Variants in FYB2 observed in about 807,000 individuals in gnomAD.
FYB2 encodes FYN-binding protein 2.
A neutral mutation model predicts 94.1 loss-of-function variants in FYB2; 103 were observed. That is an observed-to-expected ratio of 1.09 (90% CI 0.93 to 1.29). FYB2 has a LOEUF of 1.29. Among genes scored for constraint, FYB2 ranks in the 50% most tolerant of loss-of-function variants. The pLI, the probability that FYB2 is intolerant of heterozygous loss-of-function variation, is 0.00. For missense variants in FYB2, 896 were observed against 841.5 expected, an observed-to-expected ratio of 1.06 and a Z score of -0.80; for synonymous variants, 293 against 287.9, an observed-to-expected ratio of 1.02 and a Z score of -0.18.
intron 1 of FYB2, among the ~76,000 whole-genome samples, chr1:56,795,445 G>A (rs1646375016): frequency 6.6e-6 from 1 of 152,132 alleles, no homozygotes; most frequent in Admixed American, 6.6e-5. Context: ...AAACATAGGT[G>A]TACAGATATC....
rs1645662426 is a variant in FYB2, at chr1:56,767,886, A to G, written c.1006T>C (p.Tyr336His). 1.2e-6 allele frequency: 2 copies of G among 1,612,276 alleles called. No homozygotes were observed. The highest frequency in any genetic ancestry group is 2.7e-5 in the African/African-American group (2 of 74,812). The change falls in exon 5 of 20, where the codon TAT (tyrosine) becomes CAT (histidine). Residue 336 changes from tyrosine (Y) to histidine (H), a missense_variant. Transcript: ENST00000343433. ...ATGGAGTTGCCAGAGTGTCTCAGAT[A>G]TGAAATTGTTGCCTCGTAATTATGT... Reference protein sequence around the residue: ...EPHNYEATISYLRHSGNSINL... With the variant: ...EPHNYEATISHLRHSGNSINL...
At chr1:56,764,888 T>A (rs1054290310) in intron 5 of FYB2, among the ~76,000 whole-genome samples, 4 of 152,196 alleles carry the variant, frequency 2.6e-5, no homozygotes, top group African/African-American at 9.7e-5. Context: ...TGTGCCCTCA[T>A]ATGGAGAAGA....
Position 56,720,060 on chromosome 1 carries a change from T to C in FYB2, c.2132-5A>G, listed in dbSNP as rs780097934. The C allele has an allele frequency of 6.2e-7, 1 of 1,600,750 alleles. No individual in the cohort carries two copies. The highest frequency in any genetic ancestry group is 8.5e-7 in the Non-Finnish European group (1 of 1,175,394). ...GTTCAATGAGCACATATCCATCTAA[T>C]AGAAACAAAAGTCACCGTTAATTTG... On this transcript the variant is annotated splice_region_variant and splice_polypyrimidine_tract_variant and intron_variant, in intron 18 of 19. Coordinates refer to ENST00000343433, the MANE Select transcript of FYB2 (RefSeq NM_001004303.5).
chr1:56,816,446 GTATGACCTTT>G (rs1646884037), intron 1 of FYB2, among the ~76,000 whole-genome samples: 1 of 152,198 alleles, frequency 6.6e-6, no homozygotes, highest in African/African-American at 2.4e-5. Flanking sequence ...GGTAGATGGG[GTATGACCTTT>G]TATGACACAG....
the FYB2 span, chr1:56,825,013 C>T: frequency 0.23 from 35,624 of 152,198 alleles, 4,389 homozygotes; most frequent in Middle Eastern, 0.29. Flanking sequence ...GATCCTGTTT[C>T]CCATTGTCTC....
In FYB2 at chr1:56,720,157, A is replaced by T. The variant is rs367786312; in HGVS notation, c.2131+16T>A. On this transcript the variant is annotated intron_variant, in intron 18 of 19. Coordinates refer to ENST00000343433, the MANE Select transcript of FYB2 (RefSeq NM_001004303.5). ...AAAAGAATGAAATATTATGAAAGATAAGCAAATAAACTTACATTTGCCTTT... is the reference window on the plus strand; with the variant it reads ...AAAAGAATGAAATATTATGAAAGATTAGCAAATAAACTTACATTTGCCTTT... 4 of 1,598,188 alleles carry T rather than the reference A, an allele frequency of 2.5e-6. No homozygotes were observed. The highest frequency in any genetic ancestry group is 4.5e-5 in the East Asian group (2 of 44,576).
At chr1:56,781,065 T>G (rs1481173562) in intron 4 of FYB2, among the ~76,000 whole-genome samples, 1 of 152,228 alleles carries the variant, frequency 6.6e-6, no homozygotes, top group African/African-American at 2.4e-5. Flanking sequence ...GTCAGGTCTG[T>G]ACCAGTCTTA....
At chr1:56,775,280 C>G (rs1420669893) in intron 4 of FYB2, among the ~76,000 whole-genome samples, 1 of 152,072 alleles carries the variant, frequency 6.6e-6, no homozygotes, top group Non-Finnish European at 1.5e-5. Flanking sequence ...TTTCTTTTTT[C>G]TATTCATGTA....
rs199667769 is a variant in FYB2 at position 56,720,053 on chromosome 1, C to T, written c.2134G>A (p.Gly712Arg). 3.1e-5 allele frequency: 49 copies of T among 1,600,978 alleles called. No homozygotes were observed. The highest frequency in any genetic ancestry group is 4.1e-5 in the Non-Finnish European group (48 of 1,175,330). Reference protein sequence around the residue: ...VICRNSKGKYGYVLIEHLDFK... With the variant: ...VICRNSKGKYRYVLIEHLDFK... ...TCTAGATGTTCAATGAGCACATATC[C>T]ATCTAATAGAAACAAAAGTCACCGT... Residue 712 changes from glycine to arginine, a missense_variant and splice_region_variant, in exon 19 of 20, where the codon GGA (glycine) becomes AGA (arginine). Gly to Arg is a moderately radical substitution (Grantham distance 125). Coordinates refer to ENST00000343433, the MANE Select transcript of FYB2 (RefSeq NM_001004303.5).
intron 1 of FYB2, among the ~76,000 whole-genome samples, chr1:56,814,065 T>C (rs1646826234): frequency 6.6e-6 from 1 of 152,122 alleles, no homozygotes; most frequent in Non-Finnish European, 1.5e-5. Context: ...AGACCAACTG[T>C]GGCCAAGGGG....
intron 1 of FYB2, among the ~76,000 whole-genome samples, chr1:56,817,187 C>CT (rs1344244728): frequency 7.9e-5 from 12 of 152,204 alleles, no homozygotes; most frequent in Non-Finnish European, 1.8e-4. Context: ...CTCCAGGGCC[C>CT]TATATCATCT....
At chr1:56,815,091 C>T (rs183561922) in intron 1 of FYB2, among the ~76,000 whole-genome samples, 231 of 152,238 alleles carry the variant, frequency 1.5e-3, no homozygotes, top group Non-Finnish European at 2.4e-3. Flanking sequence ...ATCCTATTTG[C>T]TTATTGGGAT....
intron 16 of FYB2, among the ~76,000 whole-genome samples, chr1:56,725,345 C>A (rs1277953248): frequency 1.3e-5 from 2 of 151,980 alleles, no homozygotes; most frequent in Admixed American, 6.6e-5. Flanking sequence ...TGGTAGAAAT[C>A]ATTTTAAAAA....
At position 56,744,174 on chromosome 1, in the gene FYB2, C is replaced by T. The variant is rs1645020231; in HGVS notation, c.1480G>A (p.Val494Ile). ...TACACCTCTTTCCTGGAGTACTCGA[C>T]ATCATCATATATCTCCTCCGAGATG... ...SSISEEIYDD[V>I]EYSRKEVPKL... The change falls in exon 10 of 20, where the codon GTC (valine) becomes ATC (isoleucine). Residue 494 changes from valine (V) to isoleucine (I), a missense_variant. Transcript: ENST00000343433. The T allele has an allele frequency of 3.7e-6, 6 of 1,612,600 alleles. No individual in the cohort carries two copies. The highest frequency in any genetic ancestry group is 4.2e-6 in the Non-Finnish European group (5 of 1,179,194).
intron 1 of FYB2, among the ~76,000 whole-genome samples, chr1:56,805,595 C>G (rs988044027): frequency 1.6e-4 from 25 of 152,112 alleles, no homozygotes; most frequent in African/African-American, 5.6e-4. Context: ...CTGAACCCAG[C>G]CCTGACACCA....
chr1:56,824,211 AT>A (rs1272706989), upstream of FYB2: 2 of 152,196 alleles, frequency 1.3e-5, no homozygotes, highest in African/African-American at 4.8e-5. Flanking sequence ...AACAGCACAA[AT>A]TTATTGCTCA....
At chr1:56,733,004 C>T (rs1185371854) in intron 15 of FYB2, among the ~76,000 whole-genome samples, 8 of 152,022 alleles carry the variant, frequency 5.3e-5, no homozygotes, top group Admixed American at 4.6e-4. Context: ...ATCTAAAAAG[C>T]TTCTGCACAG....
intron 4 of FYB2, among the ~76,000 whole-genome samples, chr1:56,779,418 G>T (rs1444012204): frequency 6.6e-6 from 1 of 152,132 alleles, no homozygotes; most frequent in African/African-American, 2.4e-5. Flanking sequence ...AGACCAAGAA[G>T]GAGCAAAGGA....
chr1:56,756,215 A>G (rs1645326603), intron 6 of FYB2, among the ~76,000 whole-genome samples: 1 of 152,214 alleles, frequency 6.6e-6, no homozygotes, highest in South Asian at 2.1e-4. Context: ...ATGCATCGGA[A>G]ACGTAAATAA....
Sources: gnomAD v4.1 joint callset for allele counts (sites outside exome capture counted in the v4.1 genomes callset) on GRCh38, gnomAD v4.1.1 for gene constraint, MANE v1.5 for transcripts, NCBI Gene and HGNC (gene_info 2026-07-23, HGNC 2026-07-21) for gene names.